The following CDC14B variants were observed in gnomAD, a reference collection of about 807,000 sequenced individuals.
CDC14B encodes the protein cell division cycle 14B.
In CDC14B, 22 loss-of-function variants were observed where a neutral mutation model predicts 64.2. That is an observed-to-expected ratio of 0.34 (90% CI 0.24 to 0.49). The LOEUF is 0.49. Ranked by LOEUF, CDC14B falls within the 20% of genes least tolerant of loss-of-function variation. CDC14B has a pLI of 0.99. For synonymous variants in CDC14B, 191 were observed against 215.8 expected, an observed-to-expected ratio of 0.89 and a Z score of 1.01; for missense variants, 498 against 629.9, an observed-to-expected ratio of 0.79 and a Z score of 2.24.
intron 1 of CDC14B, among the ~76,000 whole-genome samples, chr9:96,566,374 T>G (rs1021497487): frequency 6.9e-6 from 1 of 145,184 alleles, no homozygotes; most frequent in South Asian, 2.2e-4. Flanking sequence ...TTTTTTTTTT[T>G]GATCTGCAAT....
At chr9:96,584,438 A>T (rs1845347040) in intron 1 of CDC14B, among the ~76,000 whole-genome samples, 1 of 152,204 alleles carries the variant, frequency 6.6e-6, no homozygotes, top group Non-Finnish European at 1.5e-5. Context: ...TTTGGATCAT[A>T]GTCAAGAAAG....
intron 1 of CDC14B, among the ~76,000 whole-genome samples, chr9:96,616,874 C>G (rs1847664576): frequency 6.6e-6 from 1 of 152,146 alleles, no homozygotes; most frequent in African/African-American, 2.4e-5. Flanking sequence ...CTCAAGCCTT[C>G]CCCCAAAAGC....
intron 3 of CDC14B, 66 bp from the exon 4 acceptor site, chr9:96,562,851 G>T: frequency 1.9e-6 from 2 of 1,054,068 alleles, no homozygotes; most frequent in Non-Finnish European, 2.9e-6. Flanking sequence ...ATTTCATTTT[G>T]TGATGAAGAT....
rs543273080 is a variant in CDC14B at position 96,513,531 on chromosome 9, T to C, written c.1344-3742A>G. Among the ~76,000 whole-genome samples the C allele has an allele frequency of 5.3e-5, 8 of 152,352 alleles. No homozygotes were observed. The East Asian group carries it at 1.5e-3, about 29-fold the overall frequency. Reference sequence around the variant, plus strand: ...CCATCCTACCTACCTCTTGCCTATATTCCAGTTCACCTTCTTCTCTGCAGC... The same window carrying C: ...CCATCCTACCTACCTCTTGCCTATACTCCAGTTCACCTTCTTCTCTGCAGC... On this transcript the variant is annotated intron_variant, in intron 12 of 13. Transcript: ENST00000375241.
downstream of CDC14B, among the ~76,000 whole-genome samples, chr9:96,498,203 CAG>C (rs1833332024): frequency 6.6e-6 from 1 of 152,190 alleles, no homozygotes; most frequent in Non-Finnish European, 1.5e-5. Context: ...CTTAGACACA[CAG>C]AGGAGGGGGA....
chr9:96,552,268 AAAG>A (rs1841932717), intron 4 of CDC14B, among the ~76,000 whole-genome samples: 1 of 152,190 alleles, frequency 6.6e-6, no homozygotes, highest in Non-Finnish European at 1.5e-5. Context: ...GGTGAGGTGG[AAAG>A]AGACACAAAG....
chr9:96,514,698 A>C, intron 12 of CDC14B: 1 of 985,472 alleles, frequency 1.0e-6, no homozygotes, highest in South Asian at 4.7e-5. Context: ...AATTCTTAAA[A>C]TATGAGTTAA....
downstream of CDC14B, among the ~76,000 whole-genome samples, chr9:96,498,762 T>G (rs181619320): frequency 1.3e-5 from 2 of 152,226 alleles, no homozygotes; most frequent in African/African-American, 4.8e-5. Flanking sequence ...TTATTTTAAC[T>G]CTCATACCAA....
downstream of CDC14B, among the ~76,000 whole-genome samples, chr9:96,497,440 CG>C (rs531955282): frequency 6.6e-5 from 10 of 152,334 alleles, no homozygotes; most frequent in South Asian, 2.1e-3. Flanking sequence ...GAGGCTAGGA[CG>C]TAAGGGCAGG....
chr9:96,548,873 C>T (rs1008146763), intron 5 of CDC14B, among the ~76,000 whole-genome samples: 1 of 151,716 alleles, frequency 6.6e-6, no homozygotes. Flanking sequence ...AACATTGCTA[C>T]AGAACATAAA....
At chr9:96,535,028 C>T (rs1371495346) in intron 7 of CDC14B, among the ~76,000 whole-genome samples, 1 of 152,174 alleles carries the variant, frequency 6.6e-6, no homozygotes. Context: ...ACTTACTTAC[C>T]TACTTACAGA....
At chr9:96,514,298 A>G in intron 12 of CDC14B, 1 of 465,006 alleles carries the variant, frequency 2.2e-6, no homozygotes, top group Non-Finnish European at 2.8e-6. Context: ...TGCCACTTGG[A>G]ACAGTTTGAG....
intron 5 of CDC14B, among the ~76,000 whole-genome samples, chr9:96,543,330 G>A (rs150968539): frequency 6.3e-4 from 95 of 149,700 alleles, no homozygotes; most frequent in Non-Finnish European, 7.8e-4. Flanking sequence ...CGAGACTCGA[G>A]ACTCGTCTCA....
In CDC14B at chr9:96,536,441, C is replaced by T. The variant is rs376919114; in HGVS notation, c.628-1899G>A. 2.0e-4 allele frequency among the ~76,000 whole-genome samples: 31 copies of T among 152,068 alleles called. No homozygotes were observed. In the South Asian group the frequency reaches 2.1e-3, roughly 10 times the overall value. On this transcript the variant is annotated intron_variant, in intron 7 of 13. Transcript: ENST00000375241. ...AAATGTTTAATGTTTTAAGGACAAG[C>T]GCAAAAAAGGTGTTAATAACTTAGC...
At chr9:96,576,593 A>C (rs969722828) in intron 1 of CDC14B, among the ~76,000 whole-genome samples, 2 of 147,000 alleles carry the variant, frequency 1.4e-5, no homozygotes, top group African/African-American at 5.0e-5. Flanking sequence ...AGATCAAGCC[A>C]CTGCACTCCA....
At chr9:96,494,545 GCT>G (rs1491018398) in intron 13 of CDC14B, among the ~76,000 whole-genome samples, 1 of 137,956 alleles carries the variant, frequency 7.2e-6, no homozygotes, top group Admixed American at 6.8e-5. Flanking sequence ...CTCCTGGAAA[GCT>G]CTCTGCCTGG....
chr9:96,566,294 C>G (rs1271526564), intron 1 of CDC14B, among the ~76,000 whole-genome samples: 1 of 151,840 alleles, frequency 6.6e-6, no homozygotes, highest in African/African-American at 2.4e-5. Flanking sequence ...AAATCAAGCA[C>G]AGCCTTTAAA....
intron 7 of CDC14B, among the ~76,000 whole-genome samples, chr9:96,536,530 A>G (rs1264136746): frequency 6.6e-6 from 1 of 152,252 alleles, no homozygotes; most frequent in Non-Finnish European, 1.5e-5. Flanking sequence ...GACTGCTATC[A>G]GAGAAGTAAA....
chr9:96,532,865 T>A (rs1486521257), intron 9 of CDC14B, among the ~76,000 whole-genome samples: 1 of 152,204 alleles, frequency 6.6e-6, no homozygotes, highest in Non-Finnish European at 1.5e-5. Flanking sequence ...TTTCCTTGAC[T>A]TTTCCCACAT....
Sources: gnomAD v4.1 joint callset for allele counts (sites outside exome capture counted in the v4.1 genomes callset) on GRCh38, gnomAD v4.1.1 for gene constraint, MANE v1.5 for transcripts, NCBI Gene and HGNC (gene_info 2026-07-23, HGNC 2026-07-21) for gene names.